The following CNTN5 variants were observed in gnomAD, a reference collection of about 807,000 sequenced individuals.
CNTN5 encodes contactin-5.
In CNTN5, 77 loss-of-function variants were observed where a neutral mutation model predicts 129.1. That is an observed-to-expected ratio of 0.60 (90% CI 0.50 to 0.72). The LOEUF (loss-of-function observed/expected upper bound fraction) is 0.72. Ranked by LOEUF, CNTN5 falls within the 30% of genes least tolerant of loss-of-function variation. The pLI is 0.00. For missense variants in CNTN5, 1,478 were observed against 1,328.8 expected (o/e 1.11, Z -1.75); for synonymous variants, 509 against 465.6 (o/e 1.09, Z -1.20).
chr11:99,689,295 A>C (rs1260101377), intron 3 of CNTN5, among the ~76,000 whole-genome samples: 1 of 152,064 alleles, frequency 6.6e-6, no homozygotes, highest in Non-Finnish European at 1.5e-5. Context: ...AGGGAGGCCA[A>C]GGCGGGCAGA....
chr11:100,350,965 C>G, intron 24 of CNTN5, 95 bp downstream of exon 24: 5 of 960,810 alleles, frequency 5.2e-6, no homozygotes, highest in Non-Finnish European at 7.6e-6. Context: ...TTTCATGGTT[C>G]AGAGATTTTG....
intron 13 of CNTN5, among the ~76,000 whole-genome samples, chr11:100,132,148 G>A (rs1946397029): frequency 6.6e-6 from 1 of 152,076 alleles, no homozygotes; most frequent in African/African-American, 2.4e-5. Context: ...AACTCTGGTT[G>A]ACCTCATTAG....
At chr11:99,868,861 A>G (rs1005342883) in intron 6 of CNTN5, among the ~76,000 whole-genome samples, 6 of 152,208 alleles carry the variant, frequency 3.9e-5, no homozygotes, top group Non-Finnish European at 8.8e-5. Context: ...AGGTTTTTAA[A>G]TGATGAAACC....
intron 2 of CNTN5, among the ~76,000 whole-genome samples, chr11:99,518,022 C>T (rs1328760752): frequency 6.6e-6 from 1 of 152,062 alleles, no homozygotes; most frequent in Non-Finnish European, 1.5e-5. Context: ...TCACCCATAA[C>T]CTAGAAAAGA....
chr11:100,137,057 A>C (rs1946551484), intron 13 of CNTN5, among the ~76,000 whole-genome samples: 1 of 151,884 alleles, frequency 6.6e-6, no homozygotes. Flanking sequence ...TAAAACATAC[A>C]CTCCAGGTAT....
chr11:99,415,275 G>C (rs909347041), intron 2 of CNTN5, among the ~76,000 whole-genome samples: 1 of 151,976 alleles, frequency 6.6e-6, no homozygotes, highest in Non-Finnish European at 1.5e-5. Context: ...TTCTTCTGAG[G>C]TTTAATGAAG....
intron 2 of CNTN5, among the ~76,000 whole-genome samples, chr11:99,400,421 A>G (rs1005263814): frequency 1.3e-5 from 2 of 152,090 alleles, no homozygotes; most frequent in African/African-American, 2.4e-5. Context: ...TTTTATGGCC[A>G]AATAGTACTT....
intron 24 of CNTN5, among the ~76,000 whole-genome samples, chr11:100,353,211 A>G (rs983895045): frequency 1.3e-5 from 2 of 151,532 alleles, no homozygotes; most frequent in Admixed American, 1.3e-4. Flanking sequence ...GGGCAGTGCA[A>G]CCCACTTCCT....
At chr11:99,787,048 A>T (rs1419601092) in intron 3 of CNTN5, among the ~76,000 whole-genome samples, 1 of 151,798 alleles carries the variant, frequency 6.6e-6, no homozygotes, top group East Asian at 1.9e-4. Flanking sequence ...TGAATTTTAA[A>T]TGTATGGAAT....
chr11:99,498,417 T>G (rs138583722), intron 2 of CNTN5, among the ~76,000 whole-genome samples: 1,654 of 152,306 alleles, frequency 0.011, 25 homozygotes, highest in African/African-American at 0.037. Flanking sequence ...TGTAATTGTT[T>G]CCAACTAATT....
intron 9 of CNTN5, among the ~76,000 whole-genome samples, chr11:100,020,389 C>T (rs985179059): frequency 3.3e-5 from 5 of 151,988 alleles, no homozygotes; most frequent in Non-Finnish European, 7.4e-5. Context: ...TAAAGACTGT[C>T]CTTTCCTCAT....
chr11:99,542,729 A>G (rs1034024517), intron 2 of CNTN5, among the ~76,000 whole-genome samples: 9 of 152,200 alleles, frequency 5.9e-5, no homozygotes, highest in African/African-American at 2.2e-4. Context: ...TCCAGAGCCA[A>G]GATTGCCTAT....
At chr11:99,585,523 A>G (rs1355463838) in intron 3 of CNTN5, among the ~76,000 whole-genome samples, 2 of 152,142 alleles carry the variant, frequency 1.3e-5, no homozygotes, top group Non-Finnish European at 2.9e-5. Context: ...AGGTTAACTT[A>G]TAGTGGGATT....
intron 1 of CNTN5, among the ~76,000 whole-genome samples, chr11:99,314,019 G>T (rs549512482): frequency 6.6e-6 from 1 of 152,106 alleles, no homozygotes; most frequent in Admixed American, 6.5e-5. Context: ...TCAAACCTGA[G>T]ATTTAAACTC....
At chr11:99,884,631 CAGTT>C (rs1257922748) in intron 6 of CNTN5, among the ~76,000 whole-genome samples, 1 of 152,152 alleles carries the variant, frequency 6.6e-6, no homozygotes, top group East Asian at 1.9e-4. Context: ...ATGAAATCCA[CAGTT>C]AGACACATTA....
At chr11:99,944,050 G>GT (rs35289038) in intron 7 of CNTN5, among the ~76,000 whole-genome samples, 30,781 of 150,048 alleles carry the variant, frequency 0.21, 3,147 homozygotes, top group Middle Eastern at 0.24. Flanking sequence ...ATTTAAAGTA[G>GT]TTTTTTTTTT....
chr11:99,889,050 A>T (rs796103731), intron 6 of CNTN5, among the ~76,000 whole-genome samples: 51 of 152,308 alleles, frequency 3.3e-4, no homozygotes, highest in African/African-American at 1.2e-3. Flanking sequence ...CATAATCATG[A>T]TTAACTGACA....
chr11:100,226,943 A>C (rs1184949618), intron 16 of CNTN5, among the ~76,000 whole-genome samples: 2 of 152,106 alleles, frequency 1.3e-5, no homozygotes, highest in African/African-American at 4.8e-5. Flanking sequence ...TATATGCCAC[A>C]GGACCAAAGT....
intron 3 of CNTN5, among the ~76,000 whole-genome samples, chr11:99,650,820 G>T (rs930937095): frequency 6.6e-6 from 1 of 151,860 alleles, no homozygotes; most frequent in African/African-American, 2.4e-5. Context: ...ACATGGTGAT[G>T]CTTTGATACA....
Sources: allele counts gnomAD v4.1 joint callset (sites outside exome capture counted in the v4.1 genomes callset), GRCh38; gene constraint gnomAD v4.1.1; transcripts MANE v1.5; gene names NCBI Gene and HGNC (gene_info 2026-07-23, HGNC 2026-07-21).